CTNND2: variants seen among roughly 807,000 people sequenced by gnomAD.
The protein encoded by CTNND2 is catenin delta 2, also known as catenin delta-2.
In CTNND2, 22 loss-of-function variants were observed where a neutral mutation model predicts 144.4. The ratio of observed to expected loss-of-function variants is 0.15; its 90% CI spans 0.11 to 0.22. The LOEUF (loss-of-function observed/expected upper bound fraction) is 0.22, where lower values mean the gene tolerates loss of function less well. Among genes scored for constraint, CTNND2 ranks in the 10% least tolerant of loss-of-function variants. The pLI is 1.00. For synonymous variants in CTNND2, 751 were observed against 695.6 expected (o/e 1.08, Z -1.25); for missense variants, 1,353 against 1,618.8 (o/e 0.84, Z 2.82).
intron 3 of CTNND2, among the ~76,000 whole-genome samples, chr5:11,426,651 T>G (rs1047817418): frequency 6.6e-6 from 1 of 152,180 alleles, no homozygotes; most frequent in Non-Finnish European, 1.5e-5. Context: ...TGTGTTACGT[T>G]TATGACTGAG....
chr5:11,647,605 C>G (rs1178542779), intron 2 of CTNND2, among the ~76,000 whole-genome samples: 1 of 151,982 alleles, frequency 6.6e-6, no homozygotes, highest in African/African-American at 2.4e-5. Context: ...CTGCTAGTTT[C>G]TATGACAACT....
chr5:11,487,578 A>G (rs1186144592), intron 3 of CTNND2, among the ~76,000 whole-genome samples: 1 of 152,110 alleles, frequency 6.6e-6, no homozygotes, highest in Non-Finnish European at 1.5e-5. Flanking sequence ...TGTGCTCGTC[A>G]GAGTGCACAG....
rs186461378 is a variant in CTNND2, at chr5:11,349,655, G to A, written c.1373-3028C>T. Among the ~76,000 whole-genome samples the A allele has an allele frequency of 8.1e-4, 123 of 152,252 alleles. 2 individuals are homozygous for A. The highest frequency in any genetic ancestry group is 2.8e-3 in the African/African-American group (116 of 41,552). On this transcript the variant is annotated intron_variant, in intron 8 of 21. Coordinates refer to ENST00000304623, the MANE Select transcript of CTNND2 (RefSeq NM_001332.4). ...ATGTCTACTAAAGGTACAGAGAAGA[G>A]ATGGGTTCACTAAGGAATTAACAAC...
At position 10,988,325 on chromosome 5, in the gene CTNND2, T is replaced by C. The variant is rs775722115; in HGVS notation, c.3212-83A>G. ...TTCCACACAGTCAGGGTCCTCACTA[T>C]GCATGGTCCCGCATCTCAATGCCTA... is the stretch of plus-strand genomic sequence containing the variant. On this transcript the variant is annotated intron_variant, in intron 19 of 21. Transcript: ENST00000304623. The surrounding 1 kb of genome is among the most constrained non-coding windows in gnomAD (Gnocchi z 5.9). 5.2e-6 allele frequency: 8 copies of C among 1,532,530 alleles called. No individual in the cohort carries two copies. The highest frequency in any genetic ancestry group is 4.5e-5 in the East Asian group (2 of 44,198). 94.9% of individuals were successfully genotyped at this position (1,532,530 alleles called of 1,614,324 possible).
chr5:11,711,686 G>T (rs185161435), intron 2 of CTNND2, among the ~76,000 whole-genome samples: 4 of 152,312 alleles, frequency 2.6e-5, no homozygotes, highest in South Asian at 2.1e-4. Context: ...GTTAAATAAT[G>T]TAACAAAATA....
At chr5:11,487,888 C>A (rs1417766930) in intron 3 of CTNND2, among the ~76,000 whole-genome samples, 1 of 151,842 alleles carries the variant, frequency 6.6e-6, no homozygotes, top group African/African-American at 2.4e-5. Context: ...TTTTTTTGGT[C>A]CCAGAGATCT....
chr5:11,105,460 G>A (rs559939806), intron 14 of CTNND2, among the ~76,000 whole-genome samples: 7 of 152,320 alleles, frequency 4.6e-5, no homozygotes, highest in Non-Finnish European at 1.5e-5. Context: ...CAAATACCCT[G>A]CAATGCACAG....
intron 3 of CTNND2, among the ~76,000 whole-genome samples, chr5:11,429,747 A>G (rs1368210880): frequency 6.6e-6 from 1 of 152,146 alleles, no homozygotes; most frequent in African/African-American, 2.4e-5. Flanking sequence ...GATTTTCCAA[A>G]AGCATCAGAA....
At chr5:11,385,319 C>T in intron 6 of CTNND2, 90 bp from the exon 7 acceptor site, 1 of 887,908 alleles carries the variant, frequency 1.1e-6, no homozygotes, top group Non-Finnish European at 1.4e-6. Context: ...AGCAGAGGCA[C>T]ACCGGGGATG....
intron 10 of CTNND2, among the ~76,000 whole-genome samples, chr5:11,227,839 A>G (rs1740524847): frequency 6.6e-6 from 1 of 152,198 alleles, no homozygotes; most frequent in Non-Finnish European, 1.5e-5. Flanking sequence ...AGACACACAA[A>G]CAGACAACTG....
chr5:11,388,758 A>G (rs1453438228), intron 6 of CTNND2, among the ~76,000 whole-genome samples: 1 of 152,240 alleles, frequency 6.6e-6, no homozygotes, highest in South Asian at 2.1e-4. Flanking sequence ...CAATCATAGG[A>G]CAGTTTATTA....
intron 9 of CTNND2, among the ~76,000 whole-genome samples, chr5:11,326,938 C>T (rs60433161): frequency 0.083 from 12,666 of 152,156 alleles, 859 homozygotes; most frequent in African/African-American, 0.19. Flanking sequence ...TCTCCTGGGA[C>T]GCATGCTCGC....
chr5:11,733,058 C>T (rs919261712), intron 1 of CTNND2, among the ~76,000 whole-genome samples: 1 of 152,114 alleles, frequency 6.6e-6, no homozygotes, highest in Non-Finnish European at 1.5e-5. Flanking sequence ...CCCCATAACT[C>T]GCCCTATGCA....
At chr5:11,464,604 A>G (rs1195580546) in intron 3 of CTNND2, among the ~76,000 whole-genome samples, 1 of 152,112 alleles carries the variant, frequency 6.6e-6, no homozygotes, top group Non-Finnish European at 1.5e-5. Context: ...TGTGTTTTTA[A>G]TTATTATGCT....
At chr5:11,011,197 C>T (rs1347538263) in intron 18 of CTNND2, among the ~76,000 whole-genome samples, 3 of 152,154 alleles carry the variant, frequency 2.0e-5, no homozygotes, top group African/African-American at 7.2e-5. Flanking sequence ...CGCTTAGGAA[C>T]TATGGATTTT....
At chr5:11,570,163 T>C (rs1777448223) in intron 2 of CTNND2, among the ~76,000 whole-genome samples, 1 of 152,202 alleles carries the variant, frequency 6.6e-6, no homozygotes, top group Non-Finnish European at 1.5e-5. Flanking sequence ...AAAACTTCTC[T>C]TCACACAAAC....
intron 3 of CTNND2, among the ~76,000 whole-genome samples, chr5:11,515,084 G>T (rs1448989094): frequency 8.1e-6 from 1 of 123,316 alleles, no homozygotes; most frequent in African/African-American, 3.5e-5. Flanking sequence ...GCAAACAAAC[G>T]AAAACATGCA....
chr5:11,294,557 C>G (rs1422109153), intron 9 of CTNND2, among the ~76,000 whole-genome samples: 2 of 152,146 alleles, frequency 1.3e-5, no homozygotes, highest in African/African-American at 2.4e-5. Flanking sequence ...AAACTTACAT[C>G]CAACACTTTA....
At chr5:11,770,877 C>A (rs974266296) in intron 1 of CTNND2, among the ~76,000 whole-genome samples, 3 of 152,072 alleles carry the variant, frequency 2.0e-5, no homozygotes, top group African/African-American at 7.2e-5. Flanking sequence ...GAGACAGAGA[C>A]TGAACACAGT....
Sources: gnomAD v4.1 joint callset for allele counts (sites outside exome capture counted in the v4.1 genomes callset) on GRCh38, gnomAD v4.1.1 for gene constraint, Gnocchi (gnomAD v3.1) non-coding constraint, MANE v1.5 for transcripts, NCBI Gene and HGNC (gene_info 2026-07-23, HGNC 2026-07-21) for gene names.